Variants in FIRRM observed in about 807,000 individuals in gnomAD.
The protein encoded by FIRRM is FIGNL1 interacting regulator of recombination and mitosis.
chr1:169,792,204 T>C, the FIRRM span, among the ~76,000 whole-genome samples: 13 of 152,346 alleles, frequency 8.5e-5, no homozygotes, highest in South Asian at 2.5e-3. Context: ...TTTAGTGATA[T>C]ATATTAATGT....
chr1:169,853,289 A>G, the FIRRM span: 8 of 358,372 alleles, frequency 2.2e-5, no homozygotes, highest in Non-Finnish European at 4.0e-5. Flanking sequence ...AATCATTTAT[A>G]TAATTTATAG....
the FIRRM span, among the ~76,000 whole-genome samples, chr1:169,816,133 A>T: frequency 0.027 from 4,081 of 152,360 alleles, 209 homozygotes; most frequent in East Asian, 0.22. Context: ...CAACAGCAGT[A>T]TATTCTACAA....
chr1:169,807,699 T>A, the FIRRM span: 2 of 1,172,824 alleles, frequency 1.7e-6, no homozygotes, highest in Non-Finnish European at 2.3e-6. Flanking sequence ...ATTGTTTTTT[T>A]AAATGTTCTA....
the FIRRM span, chr1:169,806,085 T>C: frequency 1.9e-6 from 3 of 1,566,386 alleles, no homozygotes; most frequent in Non-Finnish European, 2.6e-6. Flanking sequence ...AAGTTTATAA[T>C]TAAGTAAGTT....
chr1:169,828,969 AT>A, the FIRRM span, among the ~76,000 whole-genome samples: 1 of 152,192 alleles, frequency 6.6e-6, no homozygotes, highest in Non-Finnish European at 1.5e-5. Flanking sequence ...TAATTTAGCT[AT>A]TTAAGTTTCA....
At chr1:169,790,501 A>G in the FIRRM span, among the ~76,000 whole-genome samples, 1 of 151,802 alleles carries the variant, frequency 6.6e-6, no homozygotes, top group African/African-American at 2.4e-5. Context: ...TTTATCTTTA[A>G]TGCCCCAAAT....
At chr1:169,785,211 C>T in the FIRRM span, among the ~76,000 whole-genome samples, 13 of 152,308 alleles carry the variant, frequency 8.5e-5, no homozygotes, top group African/African-American at 2.9e-4. Context: ...AGGGGGAGCA[C>T]ACAGGCAGGA....
the FIRRM span, chr1:169,792,831 GATC>G: frequency 1.2e-6 from 2 of 1,613,844 alleles, no homozygotes; most frequent in Non-Finnish European, 1.7e-6. Context: ...GTGAGAATGA[GATC>G]ATATTTTACA....
the FIRRM span, chr1:169,843,589 A>G: frequency 1.3e-6 from 1 of 778,520 alleles, no homozygotes. Context: ...ATTACCTGAT[A>G]TATAATAAAT....
chr1:169,791,959 T>A, the FIRRM span, among the ~76,000 whole-genome samples: 6 of 152,178 alleles, frequency 3.9e-5, no homozygotes, highest in African/African-American at 1.4e-4. Context: ...TTCTTATTCT[T>A]TTTCCTCCTA....
At chr1:169,836,974 T>C in the FIRRM span, 1 of 1,612,796 alleles carries the variant, frequency 6.2e-7, no homozygotes, top group African/African-American at 1.3e-5. Context: ...AAAATCTGCC[T>C]CTGTGGCAAC....
the FIRRM span, chr1:169,832,544 C>A: frequency 6.8e-7 from 1 of 1,470,208 alleles, no homozygotes; most frequent in Non-Finnish European, 9.5e-7. Flanking sequence ...GTCTGTGAAG[C>A]TGCTCAGAGT....
chr1:169,811,015 G>A, the FIRRM span, among the ~76,000 whole-genome samples: 4 of 150,886 alleles, frequency 2.7e-5, no homozygotes, highest in Admixed American at 6.6e-5. Flanking sequence ...GCCTGCCACC[G>A]CGCCCGGCTA....
the FIRRM span, among the ~76,000 whole-genome samples, chr1:169,796,896 G>A: frequency 1.3e-5 from 2 of 152,316 alleles, no homozygotes; most frequent in African/African-American, 4.8e-5. Flanking sequence ...TGGCCCAAAT[G>A]TCACTTCCTT....
chr1:169,792,453 T>C, the FIRRM span: 1 of 893,678 alleles, frequency 1.1e-6, no homozygotes, highest in South Asian at 2.2e-5. Context: ...CACTTACAAT[T>C]TGGATAAACA....
At chr1:169,853,654 T>C in the FIRRM span, 1 of 1,570,156 alleles carries the variant, frequency 6.4e-7, no homozygotes, top group Non-Finnish European at 8.7e-7. Flanking sequence ...GCTTTTGAGG[T>C]ATTGATTTTT....
chr1:169,835,389 A>G, the FIRRM span, among the ~76,000 whole-genome samples: 1 of 152,208 alleles, frequency 6.6e-6, no homozygotes, highest in Non-Finnish European at 1.5e-5. Flanking sequence ...TTGTATCAAG[A>G]AAAGCAAAAA....
At chr1:169,846,799 T>C in the FIRRM span, among the ~76,000 whole-genome samples, 1 of 152,200 alleles carries the variant, frequency 6.6e-6, no homozygotes, top group Non-Finnish European at 1.5e-5. Context: ...ACTTTCCGTG[T>C]TCATTGGAAT....
the FIRRM span, chr1:169,823,386 GAATA>G: frequency 2.0e-6 from 3 of 1,516,420 alleles, no homozygotes; most frequent in African/African-American, 1.4e-5. Flanking sequence ...TGCAAAGAAT[GAATA>G]GAGTTGTTTT....
Sources: allele counts gnomAD v4.1 joint callset (sites outside exome capture counted in the v4.1 genomes callset), GRCh38; gene constraint gnomAD v4.1.1; transcripts MANE v1.5; gene names NCBI Gene and HGNC (gene_info 2026-07-23, HGNC 2026-07-21).